The following BRINP3 variants were observed in gnomAD, a reference collection of about 807,000 sequenced individuals.
BRINP3 encodes the protein BMP/retinoic acid-inducible neural-specific protein 3.
BRINP3 carries 19 observed loss-of-function variants against 71.0 expected under a neutral mutation model. The ratio of observed to expected loss-of-function variants is 0.27; its 90% CI spans 0.19 to 0.39. The LOEUF is 0.39. Among genes scored for constraint, BRINP3 ranks in the 10% least tolerant of loss-of-function variants. BRINP3 has a pLI of 1.00. For missense variants in BRINP3, 959 were observed against 940.8 expected, an observed-to-expected ratio of 1.02 and a Z score of -0.25; for synonymous variants, 380 against 337.7, an observed-to-expected ratio of 1.13 and a Z score of -1.37.
intron 6 of BRINP3, among the ~76,000 whole-genome samples, chr1:190,225,720 C>A (rs993182703): frequency 1.3e-5 from 2 of 151,888 alleles, no homozygotes; most frequent in Non-Finnish European, 2.9e-5. Context: ...AGGTATAGAA[C>A]AAATGCTGTC....
intron 2 of BRINP3, among the ~76,000 whole-genome samples, chr1:190,381,939 A>C (rs1414035816): frequency 6.6e-6 from 1 of 152,198 alleles, no homozygotes; most frequent in Non-Finnish European, 1.5e-5. Flanking sequence ...AAAGCTTAAG[A>C]CACATAAAAT....
chr1:190,216,171 T>C (rs1470689587), intron 6 of BRINP3, among the ~76,000 whole-genome samples: 1 of 151,788 alleles, frequency 6.6e-6, no homozygotes, highest in Non-Finnish European at 1.5e-5. Context: ...TGCAAAACTG[T>C]ATTTCTAGCT....
At chr1:190,109,319 T>C (rs1305907842) in intron 7 of BRINP3, among the ~76,000 whole-genome samples, 2 of 152,158 alleles carry the variant, frequency 1.3e-5, no homozygotes, top group African/African-American at 4.8e-5. Flanking sequence ...CCTTACAAAA[T>C]CATACATAAT....
chr1:190,195,206 T>C (rs947380273), intron 6 of BRINP3, among the ~76,000 whole-genome samples: 5 of 152,012 alleles, frequency 3.3e-5, no homozygotes, highest in African/African-American at 9.7e-5. Context: ...GACTTATGTA[T>C]AGTTTTGGTT....
chr1:190,443,660 C>G (rs1674992245), intron 2 of BRINP3, among the ~76,000 whole-genome samples: 1 of 152,112 alleles, frequency 6.6e-6, no homozygotes, highest in African/African-American at 2.4e-5. Flanking sequence ...CACAGGACCT[C>G]CCTTTCCGCA....
chr1:190,340,392 G>A (rs1667577262), intron 2 of BRINP3, among the ~76,000 whole-genome samples: 1 of 151,888 alleles, frequency 6.6e-6, no homozygotes, highest in Non-Finnish European at 1.5e-5. Context: ...CTCTGCTGCA[G>A]TACAAAATCT....
At chr1:190,265,205 G>T (rs929073871) in intron 3 of BRINP3, 150 bp from the exon 4 acceptor site, 2 of 675,374 alleles carry the variant, frequency 3.0e-6, no homozygotes, top group Non-Finnish European at 4.7e-6. Context: ...TTTGGTCACA[G>T]ATATTTCTCA....
chr1:190,277,132 AGAAAACTTTTTCCCTGCATTCCTCTACAT>A (rs1173603293), intron 3 of BRINP3, among the ~76,000 whole-genome samples: 1 of 33,290 alleles, frequency 3.0e-5, no homozygotes, highest in Non-Finnish European at 8.2e-5. Flanking sequence ...TATTCAGAAA[AGAAAACTTTTTCCCTGCATTCCTCTACAT>A]GAGAAATTGT....
chr1:190,383,391 G>A (rs1031313382), intron 2 of BRINP3, among the ~76,000 whole-genome samples: 12 of 151,912 alleles, frequency 7.9e-5, no homozygotes, highest in African/African-American at 2.2e-4. Context: ...CATTTCCCTC[G>A]TAAGAGAATG....
intron 2 of BRINP3, among the ~76,000 whole-genome samples, chr1:190,433,317 C>T (rs1337630593): frequency 6.6e-6 from 1 of 152,196 alleles, no homozygotes; most frequent in Non-Finnish European, 1.5e-5. Context: ...TCTCCCACTG[C>T]ATTTGGAATA....
intron 4 of BRINP3, among the ~76,000 whole-genome samples, chr1:190,237,965 G>A (rs2102754980): frequency 1.3e-5 from 2 of 151,996 alleles, no homozygotes; most frequent in East Asian, 3.9e-4. Context: ...ATTTAAGAGG[G>A]GATTTTGCCC....
At chr1:190,298,613 G>A (rs1664432739) in intron 2 of BRINP3, among the ~76,000 whole-genome samples, 1 of 151,870 alleles carries the variant, frequency 6.6e-6, no homozygotes, top group Non-Finnish European at 1.5e-5. Context: ...TGTGTGGTTT[G>A]GTTTCCAAGT....
At position 190,131,335 on chromosome 1, in the gene BRINP3, C is replaced by T. The variant is rs116040220; in HGVS notation, c.1184+29333G>A. ...TCATGAGTTAAAATGTTGAGATTAA[C>T]CAGTAATGTATAATTTTCAAGAACC... On this transcript the variant is annotated intron_variant, in intron 7 of 7. Transcript: ENST00000367462. Among the ~76,000 whole-genome samples, 205 of 151,884 alleles carry T rather than the reference C, an allele frequency of 1.3e-3. 1 individual carries two copies. Among genetic ancestry groups the T allele is most frequent in the African/African-American group, 4.8e-3 (200 of 41,474 alleles).
chr1:190,436,553 T>C (rs1674470032), intron 2 of BRINP3, among the ~76,000 whole-genome samples: 1 of 151,926 alleles, frequency 6.6e-6, no homozygotes, highest in Non-Finnish European at 1.5e-5. Context: ...ATTTTTGAAT[T>C]ATAAATAGCA....
intron 6 of BRINP3, among the ~76,000 whole-genome samples, chr1:190,185,054 G>A (rs953570870): frequency 3.9e-5 from 6 of 152,074 alleles, no homozygotes; most frequent in East Asian, 1.9e-4. Context: ...CAATTATTTC[G>A]TAGTTATGAC....
At chr1:190,370,426 T>C (rs912425861) in intron 2 of BRINP3, among the ~76,000 whole-genome samples, 1 of 152,176 alleles carries the variant, frequency 6.6e-6, no homozygotes, top group Non-Finnish European at 1.5e-5. Context: ...CTGGAGATGA[T>C]ATAATTCTCA....
At chr1:190,138,090 G>C (rs1655124746) in intron 7 of BRINP3, among the ~76,000 whole-genome samples, 1 of 152,064 alleles carries the variant, frequency 6.6e-6, no homozygotes, top group Non-Finnish European at 1.5e-5. Context: ...GAGTAGCTGG[G>C]ATTACAGGCA....
chr1:190,234,801 G>A (rs756816543), intron 4 of BRINP3, among the ~76,000 whole-genome samples: 2 of 152,036 alleles, frequency 1.3e-5, no homozygotes, highest in Non-Finnish European at 2.9e-5. Flanking sequence ...GGAAGACAGC[G>A]AGTTCTGACT....
intron 2 of BRINP3, among the ~76,000 whole-genome samples, chr1:190,286,078 AAC>A (rs1170271083): frequency 1.3e-5 from 2 of 152,140 alleles, no homozygotes; most frequent in Non-Finnish European, 2.9e-5. Context: ...TGTGATATAG[AAC>A]ACACATATGG....
Sources: allele counts gnomAD v4.1 joint callset (sites outside exome capture counted in the v4.1 genomes callset), GRCh38; gene constraint gnomAD v4.1.1; transcripts MANE v1.5; gene names NCBI Gene and HGNC (gene_info 2026-07-23, HGNC 2026-07-21).